The following DCAF8L2 variants were observed in gnomAD, a reference collection of about 807,000 sequenced individuals.
The protein encoded by DCAF8L2 is DDB1 and CUL4 associated factor 8 like 2, also known as DDB1- and CUL4-associated factor 8-like protein 2.
For missense variants in DCAF8L2, 430 were observed against 490.7 expected (o/e 0.88, Z 1.17); for synonymous variants, 200 against 190.9 (o/e 1.05, Z -0.39).
chrX:27,502,370 A>C, the DCAF8L2 span, among the ~76,000 whole-genome samples: 6 of 73,813 alleles, frequency 8.1e-5, no homozygotes, highest in Non-Finnish European at 1.5e-4. Flanking sequence ...ATATATATAT[A>C]TATATATTGG....
the DCAF8L2 span, among the ~76,000 whole-genome samples, chrX:27,565,995 T>C: frequency 4.5e-5 from 5 of 110,866 alleles, no homozygotes; most frequent in African/African-American, 9.8e-5. Flanking sequence ...TGAGTTACTG[T>C]TCTAAGTAAC....
At position 27,747,365 on chromosome X, in the gene DCAF8L2, G is replaced by T; in HGVS notation, c.470G>T (p.Gly157Val). Residue 157 changes from glycine to valine, a missense_variant, in exon 5 of 5, where the codon GGC (glycine) becomes GTC (valine). Coordinates refer to ENST00000451261, the MANE Select transcript of DCAF8L2 (RefSeq NM_001353450.2). The part of the protein sequence containing the change: ...EQPRAGPQGS[G>V]GNHEQYSLEE... ...CCTCGGGCGGGTCCACAAGGCAGTG[G>T]CGGCAACCATGAGCAGTATTCGTTA... The T allele has an allele frequency of 8.6e-7, 1 of 1,165,759 alleles. No homozygotes were observed.
rs527279666 is a variant in DCAF8L2 at position 27,626,560 on chromosome X, C to A, written c.-341-5319C>A. Among the ~76,000 whole-genome samples the A allele has an allele frequency of 8.0e-4, 89 of 111,773 alleles. 1 individual carries two copies. Among genetic ancestry groups the A allele is most frequent in the African/African-American group, 2.8e-3 (87 of 30,781 alleles). ...TCTAGGCCACATCAAATTATCCCAG[C>A]CCCAAAAGATGATGTTGAGTAAAAA... On this transcript the variant is annotated intron_variant, in intron 1 of 4. Coordinates refer to ENST00000451261, the MANE Select transcript of DCAF8L2 (RefSeq NM_001353450.2).
At chrX:27,590,012 A>G (rs775278112), upstream of DCAF8L2, among the ~76,000 whole-genome samples, 11 of 112,146 alleles carry the variant, frequency 9.8e-5, no homozygotes, top group African/African-American at 3.2e-4. Context: ...CTTTTCTTGA[A>G]AGCAATGATT....
At chrX:27,726,345 T>A (rs1252323990) in intron 4 of DCAF8L2, among the ~76,000 whole-genome samples, 1 of 111,802 alleles carries the variant, frequency 8.9e-6, no homozygotes, top group African/African-American at 3.2e-5. Flanking sequence ...TTAGCTAACA[T>A]CAATTATGCA....
chrX:27,497,512 C>CT, the DCAF8L2 span, among the ~76,000 whole-genome samples: 2,609 of 58,779 alleles, frequency 0.044, 101 homozygotes, highest in African/African-American at 0.14. Context: ...TTCTTTCTTT[C>CT]CTTCCTTCCT....
At chrX:27,563,664 A>G in the DCAF8L2 span, among the ~76,000 whole-genome samples, 1 of 112,328 alleles carries the variant, frequency 8.9e-6, no homozygotes, top group African/African-American at 3.2e-5. Context: ...TGCTACAGAG[A>G]AATACATTTA....
intron 1 of DCAF8L2, among the ~76,000 whole-genome samples, chrX:27,602,464 A>G (rs909595841): frequency 4.5e-5 from 5 of 112,152 alleles, no homozygotes; most frequent in African/African-American, 1.6e-4. Flanking sequence ...AACACCTAAT[A>G]TGATTCTAAG....
chrX:27,644,156 A>C (rs1345984023), intron 2 of DCAF8L2, among the ~76,000 whole-genome samples: 1 of 112,190 alleles, frequency 8.9e-6, no homozygotes, highest in Non-Finnish European at 1.9e-5. Flanking sequence ...TTTTCTTCTG[A>C]GAACTGACAG....
At chrX:27,562,005 G>A in the DCAF8L2 span, among the ~76,000 whole-genome samples, 1 of 111,514 alleles carries the variant, frequency 9.0e-6, no homozygotes, top group Non-Finnish European at 1.9e-5. Flanking sequence ...AAAGTGACTG[G>A]ACCATTTTAT....
At chrX:27,715,687 T>C (rs979406159) in intron 3 of DCAF8L2, among the ~76,000 whole-genome samples, 9 of 111,160 alleles carry the variant, frequency 8.1e-5, no homozygotes, top group African/African-American at 2.9e-4. Flanking sequence ...TGAGGGGAAG[T>C]TATTGATGCA....
At chrX:27,499,722 C>T in the DCAF8L2 span, among the ~76,000 whole-genome samples, 9 of 110,482 alleles carry the variant, frequency 8.1e-5, no homozygotes. Flanking sequence ...ACCAGCTCTC[C>T]TGAGAACTCT....
chrX:27,721,397 T>C (rs1569192407), intron 4 of DCAF8L2, among the ~76,000 whole-genome samples: 1 of 111,823 alleles, frequency 8.9e-6, no homozygotes, highest in South Asian at 3.6e-4. Context: ...CATATAAATA[T>C]ATATAGAACA....
At chrX:27,490,614 A>G in the DCAF8L2 span, among the ~76,000 whole-genome samples, 2 of 110,156 alleles carry the variant, frequency 1.8e-5, no homozygotes, top group Admixed American at 1.9e-4. Context: ...GGCGTCGGCC[A>G]CCACGCCTGG....
intron 2 of DCAF8L2, among the ~76,000 whole-genome samples, chrX:27,656,088 G>T (rs1185117288): frequency 1.8e-5 from 2 of 111,566 alleles, no homozygotes; most frequent in African/African-American, 3.3e-5. Flanking sequence ...ATTTGTGGAA[G>T]AATATGTAGG....
the DCAF8L2 span, among the ~76,000 whole-genome samples, chrX:27,531,366 A>G: frequency 6.3e-5 from 7 of 111,442 alleles, no homozygotes; most frequent in South Asian, 3.8e-4. Flanking sequence ...CACTGATTCA[A>G]TTACCCGCCT....
intron 2 of DCAF8L2, among the ~76,000 whole-genome samples, chrX:27,664,642 G>A (rs1341793105): frequency 8.9e-6 from 1 of 112,119 alleles, no homozygotes; most frequent in Non-Finnish European, 1.9e-5. Flanking sequence ...GACATTGATA[G>A]CCAGAGAGAA....
chrX:27,507,756 C>T, the DCAF8L2 span, among the ~76,000 whole-genome samples: 1 of 110,667 alleles, frequency 9.0e-6, no homozygotes, highest in African/African-American at 3.3e-5. Context: ...TGATAAATTG[C>T]CCTCAATTCC....
intron 1 of DCAF8L2, among the ~76,000 whole-genome samples, chrX:27,595,846 GAAACAAACAAACAAAC>G (rs201108106): frequency 1.8e-5 from 2 of 109,345 alleles, no homozygotes; most frequent in African/African-American, 3.3e-5. Context: ...CATCTCTACT[GAAACAAACAAACAAAC>G]AAACAAACAA....
Sources: allele counts gnomAD v4.1 joint callset (sites outside exome capture counted in the v4.1 genomes callset), GRCh38; gene constraint gnomAD v4.1.1; transcripts MANE v1.5; gene names NCBI Gene and HGNC (gene_info 2026-07-23, HGNC 2026-07-21).